DRC8: variants seen among roughly 807,000 people sequenced by gnomAD.
The protein encoded by DRC8 is dynein regulatory complex subunit 8, also known as dynein regulatory complex protein 8.
the DRC8 span, chr1:245,121,963 A>G: frequency 2.4e-6 from 1 of 409,064 alleles, no homozygotes; most frequent in Non-Finnish European, 4.7e-6. Flanking sequence ...CAGTGGCGTG[A>G]TCTTGGCTCG....
At chr1:245,069,769 T>C in the DRC8 span, among the ~76,000 whole-genome samples, 1 of 152,178 alleles carries the variant, frequency 6.6e-6, no homozygotes, top group African/African-American at 2.4e-5. Flanking sequence ...GGGCTGGGCA[T>C]GGGGGTGCAC....
the DRC8 span, among the ~76,000 whole-genome samples, chr1:245,045,662 G>A: frequency 6.6e-6 from 1 of 152,192 alleles, no homozygotes; most frequent in South Asian, 2.1e-4. Context: ...TGTGCAAACA[G>A]GAGTTGGTTT....
At chr1:245,043,259 C>CT in the DRC8 span, among the ~76,000 whole-genome samples, 1 of 152,046 alleles carries the variant, frequency 6.6e-6, no homozygotes, top group Non-Finnish European at 1.5e-5. Context: ...TGGTGAAACT[C>CT]TGTCTCTACT....
chr1:245,087,127 A>G, the DRC8 span: 13 of 1,425,764 alleles, frequency 9.1e-6, no homozygotes, highest in Non-Finnish European at 1.1e-5. Flanking sequence ...AGCTCCAGGG[A>G]GCGTAACTAG....
chr1:245,041,086 T>C, the DRC8 span, among the ~76,000 whole-genome samples: 2 of 152,200 alleles, frequency 1.3e-5, no homozygotes, highest in African/African-American at 4.8e-5. Context: ...TTAGACGTTC[T>C]GGTCAGGGAG....
At chr1:245,039,409 A>G in the DRC8 span, among the ~76,000 whole-genome samples, 1 of 143,962 alleles carries the variant, frequency 6.9e-6, no homozygotes, top group Non-Finnish European at 1.5e-5. Context: ...CAGGAGCTCG[A>G]GGCTGCAGTG....
chr1:245,037,900 A>G, the DRC8 span, among the ~76,000 whole-genome samples: 1 of 152,220 alleles, frequency 6.6e-6, no homozygotes, highest in East Asian at 1.9e-4. Context: ...TAGCAACAAA[A>G]AAGCTAAAAT....
the DRC8 span, among the ~76,000 whole-genome samples, chr1:244,992,810 T>TAATA: frequency 6.6e-6 from 1 of 152,334 alleles, no homozygotes; most frequent in Non-Finnish European, 1.5e-5. Context: ...AGTTAGCTAT[T>TAATA]GCTCTGTAAC....
At chr1:244,972,245 A>T in the DRC8 span, among the ~76,000 whole-genome samples, 1 of 152,382 alleles carries the variant, frequency 6.6e-6, no homozygotes, top group Admixed American at 6.5e-5. Flanking sequence ...CATATATTCA[A>T]TGCCATTATG....
chr1:244,976,466 T>C, the DRC8 span, among the ~76,000 whole-genome samples: 2 of 152,182 alleles, frequency 1.3e-5, no homozygotes, highest in Non-Finnish European at 2.9e-5. Context: ...TTTCCTCTTA[T>C]TCAGAATAAA....
At chr1:245,100,078 C>A in the DRC8 span, among the ~76,000 whole-genome samples, 1 of 152,058 alleles carries the variant, frequency 6.6e-6, no homozygotes, top group Non-Finnish European at 1.5e-5. Flanking sequence ...ATACTATAAT[C>A]GTCCCTTTAA....
chr1:245,054,654 G>T, the DRC8 span, among the ~76,000 whole-genome samples: 2 of 151,994 alleles, frequency 1.3e-5, no homozygotes, highest in Admixed American at 1.3e-4. Context: ...CTTGAATGTG[G>T]GTACTCCTCA....
At chr1:245,087,217 G>C in the DRC8 span, 1 of 1,598,980 alleles carries the variant, frequency 6.3e-7, no homozygotes. Context: ...GATCCTAAAT[G>C]ATAAATTTTC....
the DRC8 span, among the ~76,000 whole-genome samples, chr1:245,106,913 G>A: frequency 1.3e-5 from 2 of 152,074 alleles, no homozygotes; most frequent in South Asian, 2.1e-4. Flanking sequence ...GTGTGGTGGC[G>A]GGTGCCTGTA....
chr1:244,996,076 C>T, the DRC8 span, among the ~76,000 whole-genome samples: 2 of 152,184 alleles, frequency 1.3e-5, no homozygotes, highest in Non-Finnish European at 2.9e-5. Context: ...TTCTTAGGGT[C>T]AGGAATCTAG....
the DRC8 span, among the ~76,000 whole-genome samples, chr1:245,012,491 G>T: frequency 1.3e-4 from 20 of 151,600 alleles, no homozygotes; most frequent in Admixed American, 5.2e-4. Flanking sequence ...TCAACTGAAA[G>T]ATTTTAATTA....
the DRC8 span, among the ~76,000 whole-genome samples, chr1:244,979,623 G>C: frequency 1.3e-5 from 2 of 151,332 alleles, no homozygotes; most frequent in Admixed American, 6.6e-5. Flanking sequence ...TGTATTTTTA[G>C]TAGAGACGGG....
chr1:245,052,994 A>G, the DRC8 span, among the ~76,000 whole-genome samples: 1 of 152,360 alleles, frequency 6.6e-6, no homozygotes, highest in East Asian at 1.9e-4. Context: ...AAAACTTGAG[A>G]TAACAGATAA....
chr1:244,983,456 C>T, the DRC8 span, among the ~76,000 whole-genome samples: 1 of 152,136 alleles, frequency 6.6e-6, no homozygotes, highest in Admixed American at 6.5e-5. Flanking sequence ...TAAAAGTAAT[C>T]GGGCCTGGCG....
Sources: gnomAD v4.1 joint callset for allele counts (sites outside exome capture counted in the v4.1 genomes callset) on GRCh38, gnomAD v4.1.1 for gene constraint, MANE v1.5 for transcripts, NCBI Gene and HGNC (gene_info 2026-07-23, HGNC 2026-07-21) for gene names.